The following SCAPER variants were observed in gnomAD, a reference collection of about 807,000 sequenced individuals.
The protein encoded by SCAPER is S-phase cyclin A associated protein in the ER.
In SCAPER, 98 loss-of-function variants were observed where a neutral mutation model predicts 182.2. The ratio of observed to expected loss-of-function variants is 0.54; its 90% CI spans 0.46 to 0.64. The LOEUF is 0.64. Among genes scored for constraint, SCAPER ranks in the 30% least tolerant of loss-of-function variants. The pLI, the probability that SCAPER is intolerant of heterozygous loss-of-function variation, is 0.00. For missense variants in SCAPER, 1,432 were observed against 1,690.0 expected (o/e 0.85, Z 2.68); for synonymous variants, 605 against 564.6 (o/e 1.07, Z -1.01).
intron 21 of SCAPER, among the ~76,000 whole-genome samples, chr15:76,634,370 C>T (rs1487020829): frequency 6.6e-6 from 1 of 152,080 alleles, no homozygotes; most frequent in African/African-American, 2.4e-5. Flanking sequence ...GAATTCTTGC[C>T]ATTTTCATCC....
intron 8 of SCAPER, among the ~76,000 whole-genome samples, chr15:76,783,067 C>T (rs550254102): frequency 6.6e-6 from 1 of 152,064 alleles, no homozygotes; most frequent in African/African-American, 2.4e-5. Flanking sequence ...CACAAAAAAT[C>T]CTTCAAAAAA....
At chr15:76,351,947 A>AT (rs1010268085) in intron 30 of SCAPER, among the ~76,000 whole-genome samples, 21 of 152,106 alleles carry the variant, frequency 1.4e-4, no homozygotes, top group South Asian at 4.1e-4. Context: ...TATGTTACAG[A>AT]TTTTTTTTGT....
At position 76,426,350 on chromosome 15, in the gene SCAPER, A is replaced by T. The variant is rs1274419412; in HGVS notation, c.3311+7728T>A. On this transcript the variant is annotated intron_variant, in intron 26 of 31. Coordinates refer to ENST00000563290, the MANE Select transcript of SCAPER (RefSeq NM_020843.4). ...AGCCTCTTTGCTGCCTTGCAGATTG[A>T]TCTCAGACTGCTGTGCTAGCAATGA... Among the ~76,000 whole-genome samples, 3 of 152,112 alleles carry T rather than the reference A, an allele frequency of 2.0e-5. No homozygotes were observed. In the East Asian group the frequency reaches 5.8e-4, roughly 29 times the overall value.
chr15:76,495,577 C>CA (rs71444987), intron 24 of SCAPER, among the ~76,000 whole-genome samples: 35,677 of 56,730 alleles, frequency 0.63, 11,043 homozygotes, highest in Non-Finnish European at 0.67. Context: ...GACTTGGTCT[C>CA]AAAAAAAAAA....
intron 5 of SCAPER, among the ~76,000 whole-genome samples, chr15:76,806,121 G>T (rs1306983460): frequency 6.6e-6 from 1 of 152,108 alleles, no homozygotes. Flanking sequence ...GGGTGTCATA[G>T]TCCAAGGTCA....
intron 5 of SCAPER, among the ~76,000 whole-genome samples, chr15:76,818,960 G>T (rs1202822293): frequency 6.6e-6 from 1 of 152,238 alleles, no homozygotes; most frequent in African/African-American, 2.4e-5. Context: ...GGCTCGGAGG[G>T]TCCTACGCCC....
intron 22 of SCAPER, among the ~76,000 whole-genome samples, chr15:76,616,028 T>TA (rs1410104961): frequency 6.6e-6 from 1 of 152,030 alleles, no homozygotes; most frequent in South Asian, 2.1e-4. Context: ...GGTGAGAATG[T>TA]AAAAAATGGT....
At chr15:76,393,017 C>T in intron 27 of SCAPER, among the ~76,000 whole-genome samples, 1 of 152,224 alleles carries the variant, frequency 6.6e-6, no homozygotes, top group Non-Finnish European at 1.5e-5. Flanking sequence ...CTGCCTAGCA[C>T]ATAGTGAGCA....
intron 24 of SCAPER, among the ~76,000 whole-genome samples, chr15:76,480,274 G>A (rs564093000): frequency 4.5e-4 from 68 of 152,268 alleles, no homozygotes; most frequent in African/African-American, 1.6e-3. Flanking sequence ...TATGCATTTA[G>A]TCATTCTCAA....
chr15:76,832,503 C>T (rs888595346), intron 5 of SCAPER, among the ~76,000 whole-genome samples: 1 of 152,228 alleles, frequency 6.6e-6, no homozygotes, highest in African/African-American at 2.4e-5. Context: ...CTCTAACACA[C>T]TGGCATTCCT....
chr15:76,599,835 A>C (rs2049782796), intron 22 of SCAPER, among the ~76,000 whole-genome samples: 1 of 121,712 alleles, frequency 8.2e-6, no homozygotes, highest in African/African-American at 2.5e-5. Context: ...GAGGTGTTTA[A>C]AATACTCAGT....
intron 10 of SCAPER, among the ~76,000 whole-genome samples, chr15:76,769,474 G>GA (rs1414823621): frequency 7.1e-6 from 1 of 141,824 alleles, no homozygotes; most frequent in Non-Finnish European, 1.5e-5. Flanking sequence ...GAGAGTGAAA[G>GA]AAAAAAACAA....
intron 25 of SCAPER, among the ~76,000 whole-genome samples, chr15:76,464,828 T>C (rs947344794): frequency 1.4e-4 from 21 of 152,146 alleles, no homozygotes; most frequent in Admixed American, 1.1e-3. Context: ...ACTTCCATAC[T>C]TTTTTCCTTA....
chr15:76,798,359 T>TAA lies in SCAPER; in HGVS notation c.611+1887_611+1888dup, dbSNP rs35527740. Among the ~76,000 whole-genome samples, 70 of 110,458 alleles carry TAA rather than the reference T, an allele frequency of 6.3e-4. 1 individual carries two copies. The East Asian group carries it at 6.6e-3, about 10-fold the overall frequency. 72.5% of individuals were successfully genotyped at this position (110,458 alleles called of 152,430 possible). ...TGGGCAACAGAGCAAGACTATATCT[T>TAA]AAAAAAAAAAAAAAAGAAAAGAAAA... On this transcript the variant is annotated intron_variant, in intron 7 of 31. Transcript: ENST00000563290.
intron 15 of SCAPER, among the ~76,000 whole-genome samples, chr15:76,749,028 A>T (rs950422858): frequency 7.2e-5 from 11 of 152,124 alleles, no homozygotes; most frequent in African/African-American, 2.2e-4. Flanking sequence ...CAAAGCCAGC[A>T]TATCCTGTTA....
chr15:76,739,017 CTT>C (rs1290148482), intron 15 of SCAPER, among the ~76,000 whole-genome samples: 1 of 152,106 alleles, frequency 6.6e-6, no homozygotes, highest in African/African-American at 2.4e-5. Context: ...GACATTTTTT[CTT>C]GTCTTTAACC....
At chr15:76,387,078 T>C (rs1477160743) in intron 27 of SCAPER, among the ~76,000 whole-genome samples, 2 of 152,184 alleles carry the variant, frequency 1.3e-5, no homozygotes, top group African/African-American at 2.4e-5. Flanking sequence ...TGGGAAGTGA[T>C]TGGATTCTGA....
intron 5 of SCAPER, among the ~76,000 whole-genome samples, chr15:76,807,232 C>T (rs1390045321): frequency 1.3e-5 from 2 of 152,184 alleles, no homozygotes; most frequent in Admixed American, 6.5e-5. Context: ...TAAGGAATTT[C>T]CCTATTGAAT....
In SCAPER at chr15:76,354,438, A is replaced by T. The variant is rs2040819306; in HGVS notation, c.3856-298T>A. ...AGGACGCCTATGAAATGGATTCAGA[A>T]TGCACATTGCTTTAACAAAGTGCTC... On this transcript the variant is annotated intron_variant, in intron 29 of 31. Transcript: ENST00000563290. The surrounding 1 kb of genome is among the most constrained non-coding windows in gnomAD (Gnocchi z 4.4). The T allele has an allele frequency of 3.5e-6, 1 of 287,516 alleles. No homozygotes were observed. The highest frequency in any genetic ancestry group is 5.7e-5 in the Admixed American group (1 of 17,436). 17.8% of individuals were successfully genotyped at this position (287,516 alleles called of 1,614,324 possible).
Sources: gnomAD v4.1 joint callset for allele counts (sites outside exome capture counted in the v4.1 genomes callset) on GRCh38, gnomAD v4.1.1 for gene constraint, Gnocchi (gnomAD v3.1) non-coding constraint, MANE v1.5 for transcripts, NCBI Gene and HGNC (gene_info 2026-07-23, HGNC 2026-07-21) for gene names.